Variants in AP1S3 observed in about 807,000 individuals in gnomAD.
AP1S3 encodes adaptor related protein complex 1 subunit sigma 3, also known as AP-1 complex subunit sigma-3.
Under a neutral mutation model 20.9 loss-of-function variants are expected in AP1S3, and 10 were observed. That is an observed-to-expected ratio of 0.48 (90% CI 0.29 to 0.81). The LOEUF (loss-of-function observed/expected upper bound fraction) is 0.81. AP1S3 is among the 30% of genes least tolerant of loss of function. The probability of loss-of-function intolerance (pLI) is 0.08; values close to 1 mark genes in which losing one functional copy is unlikely to be tolerated. For synonymous variants in AP1S3, 41 were observed against 61.5 expected, an observed-to-expected ratio of 0.67 and a Z score of 1.56; for missense variants, 154 against 183.8, an observed-to-expected ratio of 0.84 and a Z score of 0.94.
intron 3 of AP1S3, among the ~76,000 whole-genome samples, chr2:223,772,742 G>A (rs1690663555): frequency 6.6e-6 from 1 of 152,114 alleles, no homozygotes; most frequent in Admixed American, 6.5e-5. Context: ...TATAAGAGAA[G>A]CTCAGTACCA....
At chr2:223,801,160 G>A (rs1254512922) in intron 1 of AP1S3, among the ~76,000 whole-genome samples, 1 of 152,160 alleles carries the variant, frequency 6.6e-6, no homozygotes, top group Non-Finnish European at 1.5e-5. Context: ...CATGGAAGAA[G>A]CACATTACAC....
intron 1 of AP1S3, among the ~76,000 whole-genome samples, chr2:223,782,772 A>T (rs1690979946): frequency 6.6e-6 from 1 of 152,232 alleles, no homozygotes; most frequent in South Asian, 2.1e-4. Context: ...GCATTGCATG[A>T]GGCAGTGTTG....
chr2:223,787,983 G>T (rs545213967), intron 1 of AP1S3, among the ~76,000 whole-genome samples: 2 of 152,032 alleles, frequency 1.3e-5, no homozygotes, highest in East Asian at 1.9e-4. Context: ...TTGGGATGGG[G>T]TCTCACTCTG....
intron 1 of AP1S3, among the ~76,000 whole-genome samples, chr2:223,811,627 G>C (rs537517908): frequency 4.6e-5 from 7 of 151,366 alleles, no homozygotes; most frequent in African/African-American, 1.7e-4. Context: ...TTTTTCATCA[G>C]GTTGTTTTGG....
intron 3 of AP1S3, 74 bp downstream of exon 3, chr2:223,775,827 G>T: frequency 4.5e-6 from 5 of 1,107,470 alleles, no homozygotes; most frequent in South Asian, 4.1e-5. Flanking sequence ...GAAGGGATGT[G>T]ACCAGAGACA....
intron 1 of AP1S3, among the ~76,000 whole-genome samples, chr2:223,801,121 T>C (rs1258614933): frequency 6.6e-6 from 1 of 152,132 alleles, no homozygotes; most frequent in Non-Finnish European, 1.5e-5. Context: ...CAGTCGATGG[T>C]TGACATATGT....
intron 2 of AP1S3, among the ~76,000 whole-genome samples, chr2:223,776,354 CT>C (rs1201835608): frequency 6.6e-6 from 1 of 152,180 alleles, no homozygotes; most frequent in African/African-American, 2.4e-5. Flanking sequence ...ATAGAAAGCC[CT>C]GACCAGTGCT....
intron 4 of AP1S3, among the ~76,000 whole-genome samples, chr2:223,761,273 T>C (rs1433270254): frequency 2.6e-5 from 4 of 152,218 alleles, no homozygotes; most frequent in Admixed American, 2.6e-4. Flanking sequence ...TAGCACAGTG[T>C]ATGTTATGAC....
intron 1 of AP1S3, among the ~76,000 whole-genome samples, chr2:223,824,709 A>G (rs908955865): frequency 2.6e-5 from 4 of 151,726 alleles, no homozygotes; most frequent in South Asian, 4.2e-4. Flanking sequence ...GCTAATTTCT[A>G]TATTTTCAGG....
chr2:223,760,292 G>A (rs1690322087), intron 4 of AP1S3, among the ~76,000 whole-genome samples: 1 of 152,114 alleles, frequency 6.6e-6, no homozygotes, highest in African/African-American at 2.4e-5. Flanking sequence ...AAACTCCAGG[G>A]TATATGATTC....
chr2:223,834,734 C>T (rs1239672665), intron 1 of AP1S3, among the ~76,000 whole-genome samples: 4 of 151,088 alleles, frequency 2.6e-5, no homozygotes, highest in Non-Finnish European at 5.9e-5. Context: ...TCAGCTTGGG[C>T]GACACAGAGA....
chr2:223,770,446 G>C (rs891459527), intron 3 of AP1S3: 18 of 1,397,476 alleles, frequency 1.3e-5, no homozygotes, highest in Non-Finnish European at 9.5e-7. Context: ...TACTGTACTA[G>C]TTTCAAGGGA....
At position 223,758,336 on chromosome 2, in the gene AP1S3, A is replaced by C. The variant is rs992053585; in HGVS notation, c.*379T>G. On this transcript the variant is annotated 3_prime_UTR_variant, in exon 5 of 5. Transcript: ENST00000396654. ...GTATTAATGACATCATATATACTTT[A>C]CATTCAAAATCATGGATTATTACAA... The C allele has an allele frequency of 4.8e-5, 48 of 994,488 alleles. No individual in the cohort carries two copies. The highest frequency in any genetic ancestry group is 5.4e-5 in the Non-Finnish European group (45 of 834,612). The allele number at this position is 994,488 out of a possible 1,614,324, so 61.6% of individuals were successfully genotyped here.
At chr2:223,795,594 G>T (rs600345) in intron 1 of AP1S3, among the ~76,000 whole-genome samples, 1 of 22,692 alleles carries the variant, frequency 4.4e-5, no homozygotes, top group Non-Finnish European at 6.7e-5. Context: ...AGGCAGAAGG[G>T]GCCAGGAGGC....
chr2:223,788,653 A>C (rs1196238926), intron 1 of AP1S3, among the ~76,000 whole-genome samples: 3 of 151,500 alleles, frequency 2.0e-5, no homozygotes, highest in African/African-American at 7.3e-5. Context: ...AATCCCAGCT[A>C]CTTGGGAGGC....
At chr2:223,812,030 C>T (rs1268659803) in intron 1 of AP1S3, among the ~76,000 whole-genome samples, 1 of 152,160 alleles carries the variant, frequency 6.6e-6, no homozygotes, top group Non-Finnish European at 1.5e-5. Context: ...ATCCACAAGG[C>T]AATGATAACC....
At chr2:223,803,251 C>T (rs1165456280) in intron 1 of AP1S3, among the ~76,000 whole-genome samples, 5 of 152,166 alleles carry the variant, frequency 3.3e-5, no homozygotes, top group Non-Finnish European at 5.9e-5. Flanking sequence ...TTCACTCTTT[C>T]AGAAAGTTAA....
intron 1 of AP1S3, among the ~76,000 whole-genome samples, chr2:223,830,261 T>C (rs1055441844): frequency 1.3e-5 from 2 of 151,782 alleles, no homozygotes; most frequent in African/African-American, 4.8e-5. Context: ...GGCAGATCAC[T>C]TGAGGTCAGG....
intron 1 of AP1S3, among the ~76,000 whole-genome samples, chr2:223,781,161 T>C (rs1465033006): frequency 6.6e-6 from 1 of 152,124 alleles, no homozygotes; most frequent in African/African-American, 2.4e-5. Context: ...TATATATGTA[T>C]ATTACCATGT....
Sources: allele counts gnomAD v4.1 joint callset (sites outside exome capture counted in the v4.1 genomes callset), GRCh38; gene constraint gnomAD v4.1.1; transcripts MANE v1.5; gene names NCBI Gene and HGNC (gene_info 2026-07-23, HGNC 2026-07-21).